Variants in BIRC6 observed in about 807,000 individuals in gnomAD.
BIRC6 encodes baculoviral IAP repeat containing 6, also known as dual E2 ubiquitin-conjugating enzyme/E3 ubiquitin-protein ligase BIRC6.
In BIRC6, 98 loss-of-function variants were observed where a neutral mutation model predicts 503.3. The observed-to-expected ratio is 0.19, with a 90% CI of 0.17 to 0.23. BIRC6 has a LOEUF of 0.23. BIRC6 is among the 10% of genes least tolerant of loss of function. The probability of loss-of-function intolerance (pLI) is 1.00; values close to 1 mark genes in which losing one functional copy is unlikely to be tolerated. For missense variants in BIRC6, 5,360 were observed against 5,806.0 expected (o/e 0.92, Z 2.50); for synonymous variants, 2,240 against 2,078.7 (o/e 1.08, Z -2.11).
At chr2:32,449,587 A>T (rs1190199166) in intron 22 of BIRC6, among the ~76,000 whole-genome samples, 1 of 152,216 alleles carries the variant, frequency 6.6e-6, no homozygotes, top group Non-Finnish European at 1.5e-5. Flanking sequence ...AAATGTTAGA[A>T]AATTTGCAAA....
intron 73 of BIRC6, among the ~76,000 whole-genome samples, chr2:32,615,338 G>A (rs551238622): frequency 6.6e-6 from 1 of 152,130 alleles, no homozygotes; most frequent in African/African-American, 2.4e-5. Flanking sequence ...GATTTCACCT[G>A]TTGTCCACAG....
intron 3 of BIRC6, among the ~76,000 whole-genome samples, chr2:32,386,318 C>T (rs963137847): frequency 6.6e-6 from 1 of 152,148 alleles, no homozygotes; most frequent in Admixed American, 6.5e-5. Context: ...TTTGGAAAAG[C>T]AGCTGCAATG....
intron 6 of BIRC6, among the ~76,000 whole-genome samples, chr2:32,398,544 AT>A (rs532236482): frequency 3.7e-4 from 56 of 152,052 alleles, no homozygotes; most frequent in East Asian, 1.9e-3. Context: ...TATTTTTAAA[AT>A]TTTTTTTCAT....
At chr2:32,433,167 A>G (rs575606649) in intron 12 of BIRC6, among the ~76,000 whole-genome samples, 6 of 152,274 alleles carry the variant, frequency 3.9e-5, no homozygotes, top group East Asian at 1.9e-4. Context: ...GTTTTTTCAT[A>G]ATGAGTTTGA....
intron 61 of BIRC6, chr2:32,532,301 T>C: frequency 2.1e-6 from 1 of 474,982 alleles, no homozygotes; most frequent in Middle Eastern, 6.6e-4. Flanking sequence ...AAGTCTGAAA[T>C]CAAGATATCA....
At chr2:32,422,533 T>G (rs2043049904) in intron 10 of BIRC6, among the ~76,000 whole-genome samples, 1 of 152,194 alleles carries the variant, frequency 6.6e-6, no homozygotes, top group African/African-American at 2.4e-5. Flanking sequence ...TCTATGAATG[T>G]GTCCCTCCTC....
At chr2:32,419,228 T>G (rs1189674690) in intron 10 of BIRC6, among the ~76,000 whole-genome samples, 1 of 152,222 alleles carries the variant, frequency 6.6e-6, no homozygotes, top group Non-Finnish European at 1.5e-5. Flanking sequence ...CATCTCAGAC[T>G]GAATCAAATG....
intron 4 of BIRC6, among the ~76,000 whole-genome samples, chr2:32,390,554 G>T (rs115713817): frequency 0.015 from 2,316 of 152,210 alleles, 42 homozygotes; most frequent in African/African-American, 0.054. Context: ...ACCTCAAGGT[G>T]ATCTACCCGT....
chr2:32,429,146 G>A lies in BIRC6; in HGVS notation c.2873G>A (p.Gly958Asp). Residue 958 changes from glycine (G) to aspartate (D), a missense_variant and splice_region_variant, in exon 11 of 74, where the codon GGT (glycine) becomes GAT (aspartate). By Grantham distance (94) the Gly-to-Asp change is moderately conservative. This residue lies in a region of BIRC6 where 700 missense variants were observed against 739.3 expected (regional missense o/e 0.95). Coordinates refer to ENST00000421745, the MANE Select transcript of BIRC6 (RefSeq NM_016252.4). ...ATCTATGAAATTTACTACACTGTAG[G>A]TGGTGAGCTTCATTTTCTCCAAATT... The part of the protein sequence containing the change: ...GTDRLCACTK[G>D]GELHFLQIGG... 6.3e-7 allele frequency: 1 copy of A among 1,587,158 alleles called. No homozygotes were observed. The highest frequency in any genetic ancestry group is 2.3e-5 in the East Asian group (1 of 44,344).
At chr2:32,567,903 C>T (rs2059638107) in intron 65 of BIRC6, among the ~76,000 whole-genome samples, 1 of 152,126 alleles carries the variant, frequency 6.6e-6, no homozygotes, top group Non-Finnish European at 1.5e-5. Flanking sequence ...AAATCGAGAC[C>T]ATCCTGGCTA....
At chr2:32,455,322 G>C (rs887633328) in intron 23 of BIRC6, among the ~76,000 whole-genome samples, 1 of 148,098 alleles carries the variant, frequency 6.8e-6, no homozygotes, top group Non-Finnish European at 1.5e-5. Context: ...GGAGCTTGCA[G>C]TGAGCTGAGA....
rs762803172 is a variant in BIRC6, at chr2:32,468,711, T to G, written c.6055T>G (p.Ser2019Ala). 5 of 1,613,864 alleles carry G rather than the reference T, an allele frequency of 3.1e-6. No homozygotes were observed. In the African/African-American group the frequency reaches 4.0e-5, roughly 13 times the overall value. Residue 2019 changes from serine (S) to alanine (A), a missense_variant, in exon 29 of 74, where the codon TCC becomes GCC. Ser to Ala is a moderately conservative substitution (Grantham distance 99). Coordinates refer to ENST00000421745, the MANE Select transcript of BIRC6 (RefSeq NM_016252.4). Reference sequence around the variant, plus strand: ...TCCAGAAGATTTAATTCAGACATCTTCCACAGAGCAGTTACGTACTATCAT... The same window carrying G: ...TCCAGAAGATTTAATTCAGACATCTGCCACAGAGCAGTTACGTACTATCAT... ...SNPEDLIQTSSTEQLRTIIRY... is the reference protein window; with the variant it reads ...SNPEDLIQTSATEQLRTIIRY...
intron 66 of BIRC6, among the ~76,000 whole-genome samples, chr2:32,578,910 A>G (rs75982538): frequency 6.7e-6 from 1 of 148,990 alleles, no homozygotes; most frequent in Non-Finnish European, 1.5e-5. Flanking sequence ...TGAATAAAGT[A>G]CATGTATTTG....
intron 70 of BIRC6, among the ~76,000 whole-genome samples, chr2:32,601,112 G>T (rs543919844): frequency 6.6e-6 from 1 of 152,326 alleles, no homozygotes; most frequent in East Asian, 1.9e-4. Flanking sequence ...GCACAAGCTT[G>T]CACTAAAGGT....
intron 15 of BIRC6, among the ~76,000 whole-genome samples, chr2:32,437,801 TATTGTC>T (rs2044897134): frequency 6.6e-6 from 1 of 152,324 alleles, no homozygotes; most frequent in South Asian, 2.1e-4. Flanking sequence ...TGTGCTTTCT[TATTGTC>T]ATTAGGTTTT....
chr2:32,558,904 CTA>C (rs1330452416), intron 65 of BIRC6: 1 of 152,096 alleles, frequency 6.6e-6, no homozygotes, highest in Non-Finnish European at 1.5e-5. Flanking sequence ...TAAATAGGCT[CTA>C]TTTTTTAGTT....
chr2:32,582,677 A>G (rs892511838), intron 66 of BIRC6, among the ~76,000 whole-genome samples: 3 of 152,044 alleles, frequency 2.0e-5, no homozygotes, highest in Non-Finnish European at 1.5e-5. Context: ...AATCACTTGA[A>G]CCCAGGAGGC....
At position 32,377,213 on chromosome 2, in the gene BIRC6, A is replaced by ATGTGTGTGTG. The variant is rs59912267; in HGVS notation, c.326-347_326-338dup. ...TTTGCTTATTATTCCCTTAATATAT[A>ATGTGTGTGTG]TGTGTGTGTGTGTGTGTGTGTGTGT... On this transcript the variant is annotated intron_variant, in intron 1 of 73. Transcript: ENST00000421745. 6.6e-3 allele frequency among the ~76,000 whole-genome samples: 950 copies of ATGTGTGTGTG among 144,226 alleles called. 7 individuals are homozygous for ATGTGTGTGTG. The highest frequency in any genetic ancestry group is 0.022 in the African/African-American group (871 of 38,922). The allele number at this position is 144,226 out of a possible 152,430, so 94.6% of individuals were successfully genotyped here. A position where few individuals can be genotyped will look rare whatever the true frequency, so the allele number is the denominator to read the frequency against.
Position 32,502,841 on chromosome 2 carries a change from T to G in BIRC6, c.9254T>G (p.Ile3085Ser), listed in dbSNP as rs760167627. 7 of 1,612,936 alleles carry G rather than the reference T, an allele frequency of 4.3e-6. No homozygotes were observed. Among genetic ancestry groups the G allele is most frequent in the Non-Finnish European group, 5.9e-6 (7 of 1,179,588 alleles). Residue 3085 changes from isoleucine to serine, a missense_variant, in exon 48 of 74, where the codon ATT (isoleucine) becomes AGT (serine). This residue lies in a region of BIRC6 where 267 missense variants were observed against 287.6 expected (regional missense o/e 0.93). Transcript: ENST00000421745. ...TTATCTGAGCCATTATTGTGGTTCA[T>G]TTTGAGAGTATTGGATACTAGTGAT... is the stretch of plus-strand genomic sequence containing the variant. ...CQLSEPLLWF[I>S]LRVLDTSDAL...
Sources: gnomAD v4.1 joint callset for allele counts (sites outside exome capture counted in the v4.1 genomes callset) on GRCh38, gnomAD v4.1.1 for gene constraint, gnomAD v4.1.1 regional missense constraint, MANE v1.5 for transcripts, NCBI Gene and HGNC (gene_info 2026-07-23, HGNC 2026-07-21) for gene names.